Variants in NRG3 observed in about 807,000 individuals in gnomAD.
NRG3 encodes the protein neuregulin 3.
In NRG3, 31 loss-of-function variants were observed where a neutral mutation model predicts 66.9. The ratio of observed to expected loss-of-function variants is 0.46; its 90% CI spans 0.35 to 0.63. The LOEUF is 0.63. Among genes scored for constraint, NRG3 ranks in the 20% least tolerant of loss-of-function variants. NRG3 has a pLI of 0.00. For missense variants in NRG3, 910 were observed against 878.9 expected, an observed-to-expected ratio of 1.04 and a Z score of -0.45; for synonymous variants, 393 against 359.4, an observed-to-expected ratio of 1.09 and a Z score of -1.06.
At chr10:81,882,708 G>C (rs117326064) in intron 1 of NRG3, among the ~76,000 whole-genome samples, 1 of 152,102 alleles carries the variant, frequency 6.6e-6, no homozygotes, top group Non-Finnish European at 1.5e-5. Context: ...TATTGAATTC[G>C]GTTGAAATAT....
intron 4 of NRG3, among the ~76,000 whole-genome samples, chr10:82,941,778 T>C (rs1848591763): frequency 6.6e-6 from 1 of 152,194 alleles, no homozygotes; most frequent in African/African-American, 2.4e-5. Context: ...ATGATGACTT[T>C]TGCTTCTCTA....
chr10:82,424,369 T>G (rs370962791), intron 2 of NRG3, among the ~76,000 whole-genome samples: 52 of 152,200 alleles, frequency 3.4e-4, no homozygotes, highest in African/African-American at 1.2e-3. Flanking sequence ...GGCACCTCAT[T>G]GAGGTTTTGA....
At chr10:81,965,588 T>G (rs972757546) in intron 1 of NRG3, among the ~76,000 whole-genome samples, 2 of 152,190 alleles carry the variant, frequency 1.3e-5, no homozygotes, top group African/African-American at 4.8e-5. Context: ...CATTAAATCA[T>G]CTATGATTTT....
At position 82,126,919 on chromosome 10, in the gene NRG3, G is replaced by A. The variant is rs115230155; in HGVS notation, c.824-231820G>A. On this transcript the variant is annotated intron_variant, in intron 1 of 8. Coordinates refer to ENST00000372141, the MANE Select transcript of NRG3 (RefSeq NM_001010848.4). Reference sequence around the variant, plus strand: ...GGCAGTACAGAAGGGTGCCCTAGTCGTAAGCTAGACAAAGCCTTGCTCACA... The same window carrying A: ...GGCAGTACAGAAGGGTGCCCTAGTCATAAGCTAGACAAAGCCTTGCTCACA... 7.7e-3 allele frequency among the ~76,000 whole-genome samples: 1,167 copies of A among 152,180 alleles called. 20 individuals carry two copies. Among genetic ancestry groups the A allele is most frequent in the African/African-American group, 0.026 (1,084 of 41,542 alleles).
At chr10:82,083,755 C>T (rs780615885) in intron 1 of NRG3, among the ~76,000 whole-genome samples, 58 of 151,300 alleles carry the variant, frequency 3.8e-4, no homozygotes, top group Non-Finnish European at 6.5e-4. Context: ...CCACCATGCC[C>T]GGCTAATGTT....
intron 1 of NRG3, among the ~76,000 whole-genome samples, chr10:81,914,769 C>CAAAAAAAAAAAAAAAAAA (rs58460918): frequency 1.5e-5 from 1 of 67,196 alleles, no homozygotes; most frequent in African/African-American, 4.9e-5. Flanking sequence ...AAACAGAAAG[C>CAAAAAAAAAAAAAAAAAA]AAAAAAAAAA....
At chr10:82,523,810 T>C (rs558091144) in intron 2 of NRG3, among the ~76,000 whole-genome samples, 19 of 152,272 alleles carry the variant, frequency 1.2e-4, no homozygotes, top group Admixed American at 3.3e-4. Flanking sequence ...GGAATTTTGC[T>C]TTCCTCCTGG....
intron 2 of NRG3, among the ~76,000 whole-genome samples, chr10:82,374,591 T>C (rs144469072): frequency 2.4e-3 from 370 of 152,294 alleles, no homozygotes; most frequent in African/African-American, 8.4e-3. Flanking sequence ...GTATGAATCC[T>C]GTGGGGATCA....
intron 2 of NRG3, among the ~76,000 whole-genome samples, chr10:82,627,597 G>T (rs1216087014): frequency 6.6e-6 from 1 of 152,068 alleles, no homozygotes; most frequent in East Asian, 1.9e-4. Flanking sequence ...TATACTGCAA[G>T]ACTCCTTTTA....
At chr10:81,878,950 G>A (rs1159293828) in intron 1 of NRG3, among the ~76,000 whole-genome samples, 2 of 152,176 alleles carry the variant, frequency 1.3e-5, no homozygotes, top group Admixed American at 1.3e-4. Flanking sequence ...CTTGCTAATG[G>A]ATAATAGGAT....
At chr10:82,253,716 G>T (rs748306969) in intron 1 of NRG3, among the ~76,000 whole-genome samples, 20 of 152,224 alleles carry the variant, frequency 1.3e-4, no homozygotes, top group Non-Finnish European at 2.8e-4. Context: ...TTTATCATTT[G>T]ATTCCCCTGC....
intron 1 of NRG3, among the ~76,000 whole-genome samples, chr10:82,242,155 A>G (rs941893875): frequency 1.3e-5 from 2 of 152,174 alleles, no homozygotes; most frequent in Admixed American, 1.3e-4. Context: ...GACAAACTAG[A>G]ACATGTGCAA....
At chr10:82,961,745 T>G (rs1330824094) in intron 6 of NRG3, among the ~76,000 whole-genome samples, 1 of 152,178 alleles carries the variant, frequency 6.6e-6, no homozygotes, top group African/African-American at 2.4e-5. Context: ...GTAAAGAAGT[T>G]CACAGTCCAT....
chr10:82,128,266 T>G (rs1341501785), intron 1 of NRG3, among the ~76,000 whole-genome samples: 1 of 152,082 alleles, frequency 6.6e-6, no homozygotes, highest in African/African-American at 2.4e-5. Flanking sequence ...TATTGATCAT[T>G]ATGAATATTT....
rs147223491 is a variant in NRG3 at position 82,373,128 on chromosome 10, G to A, written c.953+14260G>A. 9.2e-4 allele frequency among the ~76,000 whole-genome samples: 140 copies of A among 152,286 alleles called. 1 individual carries two copies. Among genetic ancestry groups the A allele is most frequent in the African/African-American group, 3.3e-3 (137 of 41,544 alleles). On this transcript the variant is annotated intron_variant, in intron 2 of 8. Transcript: ENST00000372141. ...AGGGTGAAAGTAAGGTAACTGTAAAGGATGTACCTTGTTATGGGTCAGGCA... is the reference window on the plus strand; with the variant it reads ...AGGGTGAAAGTAAGGTAACTGTAAAAGATGTACCTTGTTATGGGTCAGGCA...
At chr10:82,204,772 A>G (rs924228508) in intron 1 of NRG3, among the ~76,000 whole-genome samples, 11 of 152,166 alleles carry the variant, frequency 7.2e-5, no homozygotes, top group Non-Finnish European at 1.6e-4. Context: ...TATGCTGTCT[A>G]CTTGAACTTT....
At chr10:82,801,557 A>G (rs2061039982) in intron 3 of NRG3, among the ~76,000 whole-genome samples, 2 of 152,142 alleles carry the variant, frequency 1.3e-5, no homozygotes, top group African/African-American at 2.4e-5. Flanking sequence ...TGTCATTGGT[A>G]TCCACAGAGT....
intron 1 of NRG3, among the ~76,000 whole-genome samples, chr10:82,209,164 G>A (rs2075275551): frequency 6.6e-6 from 1 of 152,146 alleles, no homozygotes; most frequent in Non-Finnish European, 1.5e-5. Flanking sequence ...CTCAGAATAT[G>A]AATTCTGAAT....
At chr10:82,377,435 C>CGTGTGTGT (rs200662785) in intron 2 of NRG3, among the ~76,000 whole-genome samples, 1 of 132,222 alleles carries the variant, frequency 7.6e-6, no homozygotes, top group Non-Finnish European at 1.7e-5. Flanking sequence ...TGTGTGTGCG[C>CGTGTGTGT]GTGTGTGTGT....
Sources: allele counts gnomAD v4.1 joint callset (sites outside exome capture counted in the v4.1 genomes callset), GRCh38; gene constraint gnomAD v4.1.1; transcripts MANE v1.5; gene names NCBI Gene and HGNC (gene_info 2026-07-23, HGNC 2026-07-21).